The following MBD4 variants were observed in gnomAD, a reference collection of about 807,000 sequenced individuals.
MBD4 encodes the protein methyl-CpG-binding domain protein 4.
In MBD4, 53 loss-of-function variants were observed where a neutral mutation model predicts 60.2. The ratio of observed to expected loss-of-function variants is 0.88; its 90% CI spans 0.71 to 1.11. MBD4 has a LOEUF of 1.11. Among genes scored for constraint, MBD4 ranks in the 50% least tolerant of loss-of-function variants. The pLI, the probability that MBD4 is intolerant of heterozygous loss-of-function variation, is 0.00. For synonymous variants in MBD4, 231 were observed against 229.8 expected (o/e 1.01, Z -0.05); for missense variants, 619 against 674.0 (o/e 0.92, Z 0.90).
chr3:129,436,345 A>G, intron 3 of MBD4, 116 bp downstream of exon 3: 1 of 1,320,986 alleles, frequency 7.6e-7, no homozygotes. Flanking sequence ...TCTTGGCTCT[A>G]TTTTCACATC....
At chr3:129,437,694 C>G in intron 2 of MBD4, 26 bp downstream of exon 2, 1 of 1,520,858 alleles carries the variant, frequency 6.6e-7, no homozygotes, top group South Asian at 1.1e-5. Flanking sequence ...TTTGGCTGTA[C>G]TATCTTTACC....
chr3:129,437,371 G>GA, intron 2 of MBD4, 63 bp from the exon 3 acceptor site: 1 of 1,282,870 alleles, frequency 7.8e-7, no homozygotes, highest in Non-Finnish European at 1.1e-6. Context: ...AAAAGAACTG[G>GA]ACCACATTTC....
At position 129,437,110 on chromosome 3, in the gene MBD4, G is replaced by A. The variant is rs758610971; in HGVS notation, c.534C>T (p.Leu178=). ...CCTTTTTGCACTTGCTTCGGGTCCT[G>A]AGGTTCCAGTTTGAATTGTTACTTT... is the stretch of plus-strand genomic sequence containing the variant. ...QNQSNNSNWN[L]RTRSKCKKDV... The change falls in exon 3 of 8, where the codon CTC becomes CTT. Residue 178 remains leucine (L), a synonymous_variant. Transcript: ENST00000429544. The A allele has an allele frequency of 6.2e-6, 10 of 1,613,860 alleles. No individual in the cohort carries two copies. The highest frequency in any genetic ancestry group is 2.2e-5 in the South Asian group (2 of 91,056).
chr3:129,437,645 ATTCCTGC>A, intron 2 of MBD4, 68 bp downstream of exon 2: 1 of 1,008,710 alleles, frequency 9.9e-7, no homozygotes, highest in Non-Finnish European at 1.6e-6. Flanking sequence ...AGAAGCTAAG[ATTCCTGC>A]TATGCTCCCA....
chr3:129,434,208 T>C, intron 3 of MBD4, 72 bp from the exon 4 acceptor site: 1 of 1,151,748 alleles, frequency 8.7e-7, no homozygotes, highest in East Asian at 2.3e-5. Flanking sequence ...ATGCAAATAA[T>C]AATATCAACA....
At chr3:129,433,620 C>A in intron 5 of MBD4, 1 of 599,896 alleles carries the variant, frequency 1.7e-6, no homozygotes. Flanking sequence ...CACTGATGAT[C>A]AAAAAGAATT....
rs1219633367 is a variant in MBD4 at position 129,439,743 on chromosome 3, G to A, written c.91C>T (p.Pro31Ser). Residue 31 changes from proline to serine, a missense_variant, in exon 1 of 8, where the codon CCG (proline) becomes TCG (serine). Coordinates refer to ENST00000429544, the MANE Select transcript of MBD4 (RefSeq NM_001276270.2). ...ACAGTAACTTACCGGAGGTCATTCGGCGGGTCTGGGACTAGGCGCTCACTA... is the reference window on the plus strand; with the variant it reads ...ACAGTAACTTACCGGAGGTCATTCGACGGGTCTGGGACTAGGCGCTCACTA... The part of the protein sequence containing the change: ...TSSERLVPDP[P>S]NDLRKEDVAM... 1.9e-6 allele frequency: 3 copies of A among 1,591,264 alleles called. No individual in the cohort carries two copies. Among genetic ancestry groups the A allele is most frequent in the Non-Finnish European group, 2.6e-6 (3 of 1,169,032 alleles).
At chr3:129,438,505 T>C (rs1255637265) in intron 1 of MBD4, among the ~76,000 whole-genome samples, 1 of 152,208 alleles carries the variant, frequency 6.6e-6, no homozygotes, top group Non-Finnish European at 1.5e-5. Context: ...TAAGGTTTAC[T>C]CTCAATTTAT....
At chr3:129,438,726 T>C (rs2072572395) in intron 1 of MBD4, among the ~76,000 whole-genome samples, 1 of 149,836 alleles carries the variant, frequency 6.7e-6, no homozygotes, top group Admixed American at 6.6e-5. Context: ...GAGAGCACAG[T>C]GAGATCCTCG....
rs374206466 is a variant in MBD4 at position 129,433,162 on chromosome 3, C to A, written c.1479G>T (p.Val493=). ...GACCAAGAGGTTTAAGAAGTTCTGA[C>A]ACATCTCTCCAGTCTGCGGTTCTTG... The part of the protein sequence containing the change: ...EVARTADWRD[V]SELLKPLGLY... Residue 493 remains valine, a synonymous_variant, in exon 6 of 8, where the codon GTG becomes GTT. Transcript: ENST00000429544. 1 of 1,614,074 alleles carries A rather than the reference C, an allele frequency of 6.2e-7. No homozygotes were observed. The highest frequency in any genetic ancestry group is 1.3e-5 in the African/African-American group (1 of 74,930).
intron 3 of MBD4, among the ~76,000 whole-genome samples, chr3:129,435,210 TA>T (rs2072434607): frequency 6.6e-6 from 1 of 151,334 alleles, no homozygotes; most frequent in Admixed American, 6.6e-5. Flanking sequence ...TTTGAGTAGG[TA>T]AAGCCCAGTA....
Position 129,436,549 on chromosome 3 carries a change from C to A in MBD4, c.1095G>T (p.Val365=). Residue 365 remains valine (V), a synonymous_variant, in exon 3 of 8, where the codon GTG becomes GTT. Coordinates refer to ENST00000429544, the MANE Select transcript of MBD4 (RefSeq NM_001276270.2). The stretch of plus-strand genomic sequence containing the variant: ...CAGTATGCAAATGTTCTTTCCTTTC[C>A]ACAACTTCTACTTTTGTTCCGATTT... ...SEEIGTKVEV[V]ERKEHLHTDI... is the part of the protein sequence containing the mutation. 2 of 1,614,100 alleles carry A rather than the reference C, an allele frequency of 1.2e-6. No homozygotes were observed. The highest frequency in any genetic ancestry group is 2.2e-5 in the South Asian group (2 of 91,076).
chr3:129,434,590 A>C (rs567609164), intron 3 of MBD4, among the ~76,000 whole-genome samples: 81 of 152,366 alleles, frequency 5.3e-4, no homozygotes, highest in Non-Finnish European at 7.6e-4. Context: ...TTTCCTATTA[A>C]CTTCTAAATG....
Position 129,432,498 on chromosome 3 carries a change from C to T in MBD4, c.1647+5G>A. 1 of 1,614,232 alleles carries T rather than the reference C, an allele frequency of 6.2e-7. No individual in the cohort carries two copies. Among genetic ancestry groups the T allele is most frequent in the Non-Finnish European group, 8.5e-7 (1 of 1,180,044 alleles). On this transcript the variant is annotated splice_donor_5th_base_variant and intron_variant, in intron 7 of 7. Transcript: ENST00000429544. ...TGCTGAATTATGGATGGGAGTGAGC[C>T]TCACCTGCTTCCACTCATTGACACA...
At chr3:129,437,358 T>C (rs753102609) in intron 2 of MBD4, 50 bp from the exon 3 acceptor site, 1 of 1,433,248 alleles carries the variant, frequency 7.0e-7, no homozygotes, top group South Asian at 1.2e-5. Context: ...AGAAGGGACT[T>C]TTAAAAGAAC....
At chr3:129,434,275 T>G (rs942514518) in intron 3 of MBD4, 139 bp from the exon 4 acceptor site, 1 of 723,968 alleles carries the variant, frequency 1.4e-6, no homozygotes, top group Non-Finnish European at 2.4e-6. Context: ...ACCCAATTAA[T>G]CTAACTAATG....
chr3:129,432,158 C>T (rs2072357156), intron 7 of MBD4: 1 of 1,329,656 alleles, frequency 7.5e-7, no homozygotes, highest in African/African-American at 1.5e-5. Context: ...CATTGCAGGC[C>T]CAAACCTTCC....
intron 2 of MBD4, 33 bp downstream of exon 2, chr3:129,437,687 G>A: frequency 1.4e-6 from 2 of 1,459,252 alleles, no homozygotes; most frequent in Non-Finnish European, 1.9e-6. Context: ...AAAATCATTT[G>A]GCTGTACTAT....
At chr3:129,433,013 ATC>A in intron 6 of MBD4, 83 bp downstream of exon 6, 2 of 1,542,496 alleles carry the variant, frequency 1.3e-6, no homozygotes, top group South Asian at 2.2e-5. Flanking sequence ...TTAATATAGT[ATC>A]TGAGAACATT....
Sources: allele counts gnomAD v4.1 joint callset (sites outside exome capture counted in the v4.1 genomes callset), GRCh38; gene constraint gnomAD v4.1.1; transcripts MANE v1.5; gene names NCBI Gene and HGNC (gene_info 2026-07-23, HGNC 2026-07-21).